Variants in PID1 observed in about 807,000 individuals in gnomAD.
PID1 encodes phosphotyrosine interaction domain containing 1, also known as PTB-containing, cubilin and LRP1-interacting protein.
Under a neutral mutation model 19.1 loss-of-function variants are expected in PID1, and 10 were observed. That is an observed-to-expected ratio of 0.52 (90% confidence interval 0.32 to 0.89). The LOEUF (loss-of-function observed/expected upper bound fraction) is 0.89. Among genes scored for constraint, PID1 ranks in the 40% least tolerant of loss-of-function variants. PID1 has a pLI of 0.03. For synonymous variants in PID1, 130 were observed against 116.0 expected (o/e 1.12, Z -0.78); for missense variants, 248 against 285.3 (o/e 0.87, Z 0.94).
rs1176861280 is a variant in PID1, at chr2:229,024,200, C to T, written c.*1432G>A. The T allele has an allele frequency of 2.6e-5, 4 of 152,568 alleles. No homozygotes were observed. Among genetic ancestry groups the T allele is most frequent in the Admixed American group, 2.6e-4 (4 of 15,274 alleles). The allele number at this position is 152,568 out of a possible 1,614,324, so 9.5% of individuals were successfully genotyped here. A position where few individuals can be genotyped will look rare whatever the true frequency, so the allele number is the denominator to read the frequency against. ...AGATACGGACACACAGATATGCAGA[C>T]CGAAATGCTGACACCATCGCTCTCT... On this transcript the variant is annotated 3_prime_UTR_variant, in exon 3 of 3. Coordinates refer to ENST00000392055, the MANE Select transcript of PID1 (RefSeq NM_001100818.2).
intron 2 of PID1, among the ~76,000 whole-genome samples, chr2:229,061,370 C>G (rs1694208871): frequency 6.6e-6 from 1 of 151,972 alleles, no homozygotes; most frequent in Admixed American, 6.6e-5. Flanking sequence ...TTGCCTTTCT[C>G]CATTGCGTGC....
At chr2:229,150,579 C>G (rs1690231204) in intron 2 of PID1, among the ~76,000 whole-genome samples, 1 of 152,200 alleles carries the variant, frequency 6.6e-6, no homozygotes, top group Non-Finnish European at 1.5e-5. Flanking sequence ...CCTTTTGTAA[C>G]TCAGAGAAAT....
chr2:229,073,711 A>G (rs1163561096), intron 2 of PID1, among the ~76,000 whole-genome samples: 1 of 152,230 alleles, frequency 6.6e-6, no homozygotes, highest in African/African-American at 2.4e-5. Flanking sequence ...CCTTTATTGA[A>G]TTTAACTAAA....
intron 1 of PID1, among the ~76,000 whole-genome samples, chr2:229,239,364 T>C (rs1689807769): frequency 6.6e-6 from 1 of 152,216 alleles, no homozygotes; most frequent in South Asian, 2.1e-4. Flanking sequence ...GACTCACAAA[T>C]TCCTGGAGGA....
At position 229,124,524 on chromosome 2, in the gene PID1, C is replaced by T. The variant is rs139253210; in HGVS notation, c.177+31294G>A. 3.8e-3 allele frequency among the ~76,000 whole-genome samples: 581 copies of T among 152,234 alleles called. 6 individuals carry two copies. Among genetic ancestry groups the T allele is most frequent in the Non-Finnish European group, 2.4e-3 (164 of 68,008 alleles). ...GTGGCAATAAAATCAGATAGTACCA[C>T]CCTCAGTTCTCCCTAATCACAAATT... On this transcript the variant is annotated intron_variant, in intron 2 of 2. Transcript: ENST00000392055.
chr2:229,030,791 A>T (rs1409601732), intron 2 of PID1, among the ~76,000 whole-genome samples: 1 of 152,226 alleles, frequency 6.6e-6, no homozygotes, highest in Non-Finnish European at 1.5e-5. Flanking sequence ...CCTATAAAAT[A>T]AAGATTTTGA....
In PID1 at chr2:229,107,171, C is replaced by A. The variant is rs115079772; in HGVS notation, c.177+48647G>T. On this transcript the variant is annotated intron_variant, in intron 2 of 2. Transcript: ENST00000392055. Reference sequence around the variant, plus strand: ...GGCAAAGAAGAGGTCCCCCATAGAGCCTTCTTGGGGAAAATGGCCACGTGA... The same window carrying A: ...GGCAAAGAAGAGGTCCCCCATAGAGACTTCTTGGGGAAAATGGCCACGTGA... 5.0e-3 allele frequency among the ~76,000 whole-genome samples: 755 copies of A among 152,260 alleles called. 5 individuals carry two copies. Among genetic ancestry groups the A allele is most frequent in the African/African-American group, 0.017 (702 of 41,552 alleles).
intron 2 of PID1, among the ~76,000 whole-genome samples, chr2:229,046,424 C>T (rs1204488568): frequency 3.3e-5 from 5 of 149,904 alleles, no homozygotes; most frequent in South Asian, 4.2e-4. Context: ...AACCAAAAAA[C>T]GCACTTTGTG....
At chr2:229,156,764 C>T (rs1216891961) in intron 1 of PID1, among the ~76,000 whole-genome samples, 1 of 152,158 alleles carries the variant, frequency 6.6e-6, no homozygotes, top group East Asian at 1.9e-4. Flanking sequence ...CCCATCTCCT[C>T]ATGGAAAAAT....
chr2:229,049,942 G>T (rs1288343836), intron 2 of PID1, among the ~76,000 whole-genome samples: 2 of 151,774 alleles, frequency 1.3e-5, no homozygotes, highest in Admixed American at 1.3e-4. Flanking sequence ...CACATGCATA[G>T]AAGTATTTAT....
chr2:229,197,332 A>T (rs1469594811), intron 1 of PID1, among the ~76,000 whole-genome samples: 1 of 152,042 alleles, frequency 6.6e-6, no homozygotes, highest in Non-Finnish European at 1.5e-5. Context: ...GAAGAAAAAA[A>T]ATTTGACAGT....
intron 1 of PID1, among the ~76,000 whole-genome samples, chr2:229,269,962 GA>G (rs1690692029): frequency 6.6e-6 from 1 of 152,140 alleles, no homozygotes; most frequent in African/African-American, 2.4e-5. Context: ...TCTGTATGAG[GA>G]CTCCTAGACA....
chr2:229,104,760 C>T (rs2106231544), intron 2 of PID1, among the ~76,000 whole-genome samples: 1 of 152,254 alleles, frequency 6.6e-6, no homozygotes, highest in South Asian at 2.1e-4. Flanking sequence ...GACTTTCTTA[C>T]CTATGAAATA....
At chr2:229,076,583 C>T (rs1234852342) in intron 2 of PID1, among the ~76,000 whole-genome samples, 3 of 152,004 alleles carry the variant, frequency 2.0e-5, no homozygotes, top group Non-Finnish European at 4.4e-5. Flanking sequence ...GTGATATTTC[C>T]CTCCCTGTGC....
At chr2:229,097,053 G>A (rs925553226) in intron 2 of PID1, among the ~76,000 whole-genome samples, 4 of 152,184 alleles carry the variant, frequency 2.6e-5, no homozygotes, top group Non-Finnish European at 5.9e-5. Flanking sequence ...AAACAGCGAT[G>A]TTTGAAGTCC....
chr2:229,128,096 G>T (rs1298706722), intron 2 of PID1, among the ~76,000 whole-genome samples: 1 of 150,680 alleles, frequency 6.6e-6, no homozygotes, highest in Non-Finnish European at 1.5e-5. Flanking sequence ...GATTTTAGGG[G>T]GAAATTACTA....
intron 1 of PID1, among the ~76,000 whole-genome samples, chr2:229,165,895 A>G (rs1272648043): frequency 2.0e-5 from 3 of 152,192 alleles, no homozygotes; most frequent in Non-Finnish European, 4.4e-5. Context: ...GCAAACTACT[A>G]GAATGGATGA....
intron 2 of PID1, among the ~76,000 whole-genome samples, chr2:229,034,257 G>A (rs1693614903): frequency 1.3e-5 from 2 of 152,136 alleles, no homozygotes; most frequent in South Asian, 4.1e-4. Context: ...CTGGTTCCTG[G>A]GAATCACTAA....
intron 2 of PID1, among the ~76,000 whole-genome samples, chr2:229,094,113 T>C (rs28819420): frequency 0.14 from 21,047 of 152,118 alleles, 2,358 homozygotes; most frequent in African/African-American, 0.31. Context: ...ACAAAATCAC[T>C]GCACACAAAT....
Sources: gnomAD v4.1 joint callset for allele counts (sites outside exome capture counted in the v4.1 genomes callset) on GRCh38, gnomAD v4.1.1 for gene constraint, MANE v1.5 for transcripts, NCBI Gene and HGNC (gene_info 2026-07-23, HGNC 2026-07-21) for gene names.